ENTREP2: variants seen among roughly 807,000 people sequenced by gnomAD.
ENTREP2 encodes endosomal transmembrane epsin interactor 2.
At chr15:29,633,512 T>G in the ENTREP2 span, among the ~76,000 whole-genome samples, 1 of 151,754 alleles carries the variant, frequency 6.6e-6, no homozygotes, top group Non-Finnish European at 1.5e-5. Flanking sequence ...GAGCCTTCAG[T>G]GTTTTTAAAA....
the ENTREP2 span, among the ~76,000 whole-genome samples, chr15:29,524,887 G>A: frequency 6.6e-6 from 1 of 152,252 alleles, no homozygotes; most frequent in Non-Finnish European, 1.5e-5. Flanking sequence ...GGACCCAAAG[G>A]GGGTTGCCCA....
chr15:29,466,364 G>A, the ENTREP2 span, among the ~76,000 whole-genome samples: 1 of 152,200 alleles, frequency 6.6e-6, no homozygotes, highest in Non-Finnish European at 1.5e-5. Flanking sequence ...AGCCAGCAAG[G>A]TAGACACTGC....
At chr15:29,614,951 G>A in the ENTREP2 span, among the ~76,000 whole-genome samples, 1 of 152,132 alleles carries the variant, frequency 6.6e-6, no homozygotes, top group Non-Finnish European at 1.5e-5. Flanking sequence ...AAGAGGATGG[G>A]ATTTTCCATT....
the ENTREP2 span, among the ~76,000 whole-genome samples, chr15:29,258,212 C>CAAAAAAAAAAA: frequency 1.7e-5 from 2 of 118,340 alleles, no homozygotes; most frequent in African/African-American, 3.3e-5. Flanking sequence ...GGCTCAGTCT[C>CAAAAAAAAAAA]AAAAAAAAAA....
chr15:29,132,513 T>G, the ENTREP2 span, among the ~76,000 whole-genome samples: 1 of 151,442 alleles, frequency 6.6e-6, no homozygotes, highest in Admixed American at 6.6e-5. Flanking sequence ...GAGCTGGGGG[T>G]CTCCGAGCCA....
At chr15:29,395,131 G>A in the ENTREP2 span, among the ~76,000 whole-genome samples, 5 of 151,060 alleles carry the variant, frequency 3.3e-5, no homozygotes, top group African/African-American at 4.9e-5. Context: ...CTCGTGATCC[G>A]CCCGCCTCGG....
At chr15:29,447,195 G>T in the ENTREP2 span, among the ~76,000 whole-genome samples, 1 of 152,054 alleles carries the variant, frequency 6.6e-6, no homozygotes, top group Non-Finnish European at 1.5e-5. Context: ...TAAAAATTGG[G>T]ACTGTAATCC....
At chr15:29,424,208 G>A in the ENTREP2 span, among the ~76,000 whole-genome samples, 1 of 152,176 alleles carries the variant, frequency 6.6e-6, no homozygotes, top group African/African-American at 2.4e-5. Flanking sequence ...ATTGCCAAGA[G>A]CAGCAAAAAT....
the ENTREP2 span, among the ~76,000 whole-genome samples, chr15:29,357,646 C>G: frequency 0.017 from 2,581 of 151,884 alleles, 79 homozygotes; most frequent in African/African-American, 0.059. Flanking sequence ...GACCATCCTG[C>G]CTAACATGGT....
At chr15:29,513,485 C>T in the ENTREP2 span, among the ~76,000 whole-genome samples, 8 of 152,294 alleles carry the variant, frequency 5.3e-5, no homozygotes, top group South Asian at 1.7e-3. Flanking sequence ...TCTGCAAAAC[C>T]ATGTCCCCTC....
chr15:29,412,605 G>T, the ENTREP2 span, among the ~76,000 whole-genome samples: 1 of 151,960 alleles, frequency 6.6e-6, no homozygotes, highest in East Asian at 1.9e-4. Flanking sequence ...TTACATCTGA[G>T]TTATCAAATG....
the ENTREP2 span, among the ~76,000 whole-genome samples, chr15:29,590,527 A>G: frequency 6.6e-6 from 1 of 151,896 alleles, no homozygotes; most frequent in African/African-American, 2.4e-5. Flanking sequence ...TACTAAAAAT[A>G]CAAAAAATTA....
chr15:29,136,317 C>T, the ENTREP2 span: 1 of 1,454,674 alleles, frequency 6.9e-7, no homozygotes, highest in Non-Finnish European at 9.0e-7. Flanking sequence ...GGGACGGTGT[C>T]CCTAGCATTC....
the ENTREP2 span, among the ~76,000 whole-genome samples, chr15:29,573,451 CAGTG>C: frequency 6.6e-6 from 1 of 152,106 alleles, no homozygotes; most frequent in African/African-American, 2.4e-5. Flanking sequence ...GCCATGTGGG[CAGTG>C]AGTATGTATA....
the ENTREP2 span, among the ~76,000 whole-genome samples, chr15:29,582,155 C>T: frequency 6.6e-6 from 1 of 152,028 alleles, no homozygotes; most frequent in Non-Finnish European, 1.5e-5. Context: ...CTTGGCCAGG[C>T]TGGCTAATTG....
chr15:29,406,847 A>C, the ENTREP2 span, among the ~76,000 whole-genome samples: 1 of 152,156 alleles, frequency 6.6e-6, no homozygotes, highest in South Asian at 2.1e-4. Flanking sequence ...TCACTTTCCC[A>C]ATCCAAATAT....
the ENTREP2 span, among the ~76,000 whole-genome samples, chr15:29,430,906 C>T: frequency 1.3e-5 from 2 of 152,136 alleles, no homozygotes; most frequent in East Asian, 1.9e-4. Context: ...TCCCCAGGTT[C>T]CTGGTCTTAC....
At chr15:29,227,266 A>G in the ENTREP2 span, among the ~76,000 whole-genome samples, 24 of 152,322 alleles carry the variant, frequency 1.6e-4, no homozygotes, top group African/African-American at 5.5e-4. Flanking sequence ...GGCCCTTCTC[A>G]GGCACCCAGA....
the ENTREP2 span, among the ~76,000 whole-genome samples, chr15:29,630,128 A>G: frequency 4.6e-5 from 7 of 152,262 alleles, no homozygotes; most frequent in African/African-American, 1.7e-4. Context: ...AAATTAAAAT[A>G]AATAAATAAA....
Sources: gnomAD v4.1 joint callset for allele counts (sites outside exome capture counted in the v4.1 genomes callset) on GRCh38, gnomAD v4.1.1 for gene constraint, MANE v1.5 for transcripts, NCBI Gene and HGNC (gene_info 2026-07-23, HGNC 2026-07-21) for gene names.